Variants in RELN observed in about 807,000 individuals in gnomAD.
RELN encodes reelin.
A neutral mutation model predicts 427.6 loss-of-function variants in RELN; 108 were observed. That is an observed-to-expected ratio of 0.25 (90% CI 0.22 to 0.30). RELN has a LOEUF of 0.30. RELN is among the 10% of genes least tolerant of loss of function. RELN has a pLI of 1.00. For missense variants in RELN, 3,715 were observed against 4,302.8 expected (o/e 0.86, Z 3.82); for synonymous variants, 1,524 against 1,513.4 (o/e 1.01, Z -0.16).
intron 1 of RELN, among the ~76,000 whole-genome samples, chr7:103,920,920 A>G (rs1795604012): frequency 6.6e-6 from 1 of 152,156 alleles, no homozygotes; most frequent in Non-Finnish European, 1.5e-5. Context: ...TTTATATTAA[A>G]AAGTTGGTGA....
At chr7:103,882,257 A>T (rs1249734731) in intron 2 of RELN, among the ~76,000 whole-genome samples, 2 of 152,154 alleles carry the variant, frequency 1.3e-5, no homozygotes, top group Non-Finnish European at 2.9e-5. Context: ...TTTCCTATAC[A>T]TATTTGCTCT....
chr7:103,579,934 C>T (rs1831091895), intron 28 of RELN, among the ~76,000 whole-genome samples: 1 of 152,136 alleles, frequency 6.6e-6, no homozygotes, highest in Non-Finnish European at 1.5e-5. Context: ...CACTTTTTTG[C>T]ACTCTACATA....
At chr7:103,853,644 T>C in intron 2 of RELN, among the ~76,000 whole-genome samples, 1 of 152,040 alleles carries the variant, frequency 6.6e-6, no homozygotes. Flanking sequence ...ATAATTTTTT[T>C]TTTAAATTCA....
intron 11 of RELN, among the ~76,000 whole-genome samples, chr7:103,666,295 C>G (rs185839828): frequency 6.6e-6 from 1 of 152,166 alleles, no homozygotes; most frequent in Admixed American, 6.6e-5. Flanking sequence ...TGGTCTGAAA[C>G]TCCTGGGCTC....
rs181789203 is a variant in RELN, at chr7:103,740,468, A to C, written c.656+8958T>G. Among the ~76,000 whole-genome samples the C allele has an allele frequency of 3.0e-4, 46 of 152,344 alleles. 1 individual carries two copies. The East Asian group carries it at 8.5e-3, about 28-fold the overall frequency. On this transcript the variant is annotated intron_variant, in intron 6 of 64. Coordinates refer to ENST00000428762, the MANE Select transcript of RELN (RefSeq NM_005045.4). ...ACATAAATTTTTAAATTTTTAAATAATTTGAAATATTCAAACTGAACAGAT... is the reference window on the plus strand; with the variant it reads ...ACATAAATTTTTAAATTTTTAAATACTTTGAAATATTCAAACTGAACAGAT...
intron 1 of RELN, among the ~76,000 whole-genome samples, chr7:103,962,978 T>A (rs1244102563): frequency 6.6e-6 from 1 of 151,906 alleles, no homozygotes; most frequent in Non-Finnish European, 1.5e-5. Context: ...TGGGGAAAGG[T>A]TGAGAAAACG....
In RELN at chr7:103,953,705, G is replaced by A. The variant is rs1051672596; in HGVS notation, c.226+35426C>T. On this transcript the variant is annotated intron_variant, in intron 1 of 64. Coordinates refer to ENST00000428762, the MANE Select transcript of RELN (RefSeq NM_005045.4). The surrounding 1 kb of genome is among the most constrained non-coding windows in gnomAD (Gnocchi z 4.3). ...CCCAGCACTTTGGGAGGCTGAGGCG[G>A]GTGGATCACCTGAGGTCAGGAGTTT... Among the ~76,000 whole-genome samples the A allele has an allele frequency of 1.3e-5, 2 of 152,138 alleles. No homozygotes were observed. Among genetic ancestry groups the A allele is most frequent in the African/African-American group, 2.4e-5 (1 of 41,422 alleles).
In RELN at chr7:103,515,279, G is replaced by A. The variant is rs1167947536; in HGVS notation, c.8025C>T (p.Ser2675=). The change falls in exon 50 of 65, where the codon AGC becomes AGT. Residue 2675 remains serine, a synonymous_variant. Coordinates refer to ENST00000428762, the MANE Select transcript of RELN (RefSeq NM_005045.4). ...GCTCATGCTGGGGTACTGGGGCGCT[G>A]CTGAAGGTGTCCAGCATAACGGTCC... is the stretch of plus-strand genomic sequence containing the variant. The part of the protein sequence containing the change: ...DQRTVMLDTF[S]SAPVPQHERS... 7.4e-6 allele frequency: 12 copies of A among 1,614,190 alleles called. No homozygotes were observed. Among genetic ancestry groups the A allele is most frequent in the Non-Finnish European group, 1.0e-5 (12 of 1,180,026 alleles).
intron 2 of RELN, among the ~76,000 whole-genome samples, chr7:103,866,165 AAT>A (rs1272220942): frequency 6.6e-5 from 10 of 152,156 alleles, no homozygotes; most frequent in Admixed American, 1.3e-4. Flanking sequence ...TAAAAAATAA[AAT>A]AGTTTCTGTC....
At chr7:103,817,937 C>CAAAAAAAAAAAAAA (rs71154371) in intron 3 of RELN, among the ~76,000 whole-genome samples, 385 of 35,968 alleles carry the variant, frequency 0.011, 3 homozygotes, top group African/African-American at 0.012. Context: ...GACTCCATCT[C>CAAAAAAAAAAAAAA]AAAAAAAAAA....
intron 34 of RELN, among the ~76,000 whole-genome samples, chr7:103,564,742 T>C (rs899785148): frequency 3.3e-5 from 5 of 151,950 alleles, no homozygotes; most frequent in African/African-American, 1.2e-4. Flanking sequence ...CAGTACCCGT[T>C]AGTTCCCAGA....
intron 41 of RELN, among the ~76,000 whole-genome samples, chr7:103,546,253 C>A: frequency 6.6e-6 from 1 of 152,266 alleles, no homozygotes; most frequent in African/African-American, 2.4e-5. Context: ...AATATGTGAC[C>A]TTTTGTGTCT....
At chr7:103,574,710 C>T (rs977756465) in intron 29 of RELN, among the ~76,000 whole-genome samples, 5 of 152,234 alleles carry the variant, frequency 3.3e-5, no homozygotes, top group Admixed American at 6.5e-5. Context: ...ACAGCACTCT[C>T]CATAGAAGGC....
chr7:103,609,213 ACT>A (rs1326415289), intron 22 of RELN, among the ~76,000 whole-genome samples: 2 of 106,428 alleles, frequency 1.9e-5, no homozygotes, highest in Admixed American at 9.5e-5. Context: ...ACAGAGCAAG[ACT>A]CTGTCTCAAA....
rs71154371 is a variant in RELN, at chr7:103,817,937, CAAAAAAAAAAAAAAA to C, written c.473+15585_473+15599del. 8.3e-5 allele frequency among the ~76,000 whole-genome samples: 3 copies of C among 36,016 alleles called. 1 individual carries two copies. The highest frequency in any genetic ancestry group is 1.3e-4 in the Non-Finnish European group (3 of 22,778). The allele number at this position is 36,016 out of a possible 152,430, so 23.6% of individuals were successfully genotyped here. A position where few individuals can be genotyped will look rare whatever the true frequency, so the allele number is the denominator to read the frequency against. Reference sequence around the variant, plus strand: ...TGGGTGACAGAGTAAGACTCCATCTCAAAAAAAAAAAAAAAAAAAAAAAAGAAAAGAAAAAAAGTG... The same window carrying C: ...TGGGTGACAGAGTAAGACTCCATCTCAAAAAAAAAGAAAAGAAAAAAAGTG... On this transcript the variant is annotated intron_variant, in intron 3 of 64. Transcript: ENST00000428762.
At chr7:103,507,252 C>T (rs1048336597) in intron 51 of RELN, among the ~76,000 whole-genome samples, 3 of 152,200 alleles carry the variant, frequency 2.0e-5, no homozygotes, top group Non-Finnish European at 4.4e-5. Flanking sequence ...CCACATTGCA[C>T]TTATTCCAAA....
At chr7:103,794,267 T>C (rs112055292) in intron 3 of RELN, among the ~76,000 whole-genome samples, 2 of 152,148 alleles carry the variant, frequency 1.3e-5, no homozygotes, top group Non-Finnish European at 2.9e-5. Context: ...ATTCCAACTG[T>C]AGCCAGGCTC....
intron 38 of RELN, among the ~76,000 whole-genome samples, chr7:103,555,697 T>C (rs1830506694): frequency 6.6e-6 from 1 of 152,150 alleles, no homozygotes; most frequent in Non-Finnish European, 1.5e-5. Context: ...GGTCTTGAAC[T>C]CCTGACCTCA....
At chr7:103,922,496 C>A (rs1795638207) in intron 1 of RELN, among the ~76,000 whole-genome samples, 1 of 152,156 alleles carries the variant, frequency 6.6e-6, no homozygotes, top group East Asian at 1.9e-4. Flanking sequence ...ACAAATATCT[C>A]TTCCACATCT....
Sources: gnomAD v4.1 joint callset for allele counts (sites outside exome capture counted in the v4.1 genomes callset) on GRCh38, gnomAD v4.1.1 for gene constraint, Gnocchi (gnomAD v3.1) non-coding constraint, MANE v1.5 for transcripts, NCBI Gene and HGNC (gene_info 2026-07-23, HGNC 2026-07-21) for gene names.